Variants in RTCA observed in about 807,000 individuals in gnomAD.
The protein encoded by RTCA is RNA 3'-terminal phosphate cyclase.
A neutral mutation model predicts 46.1 loss-of-function variants in RTCA; 37 were observed. That is an observed-to-expected ratio of 0.80 (90% CI 0.62 to 1.06). The LOEUF (loss-of-function observed/expected upper bound fraction) is 1.06, where lower values mean the gene tolerates loss of function less well. Among genes scored for constraint, RTCA ranks in the 50% least tolerant of loss-of-function variants. The pLI is 0.00. For synonymous variants in RTCA, 164 were observed against 158.3 expected (o/e 1.04, Z -0.27); for missense variants, 435 against 455.5 (o/e 0.95, Z 0.41).
At chr1:100,281,203 G>A (rs1355084883) in intron 8 of RTCA, 1 of 531,526 alleles carries the variant, frequency 1.9e-6, no homozygotes, top group Admixed American at 1.9e-5. Flanking sequence ...AAGAAGATTA[G>A]CCTGGAGAAT....
chr1:100,274,449 T>C (rs1244768019), intron 5 of RTCA, among the ~76,000 whole-genome samples: 1 of 152,252 alleles, frequency 6.6e-6, no homozygotes, highest in African/African-American at 2.4e-5. Flanking sequence ...AAGGCGCTTA[T>C]ATTCTACAAT....
intron 8 of RTCA, among the ~76,000 whole-genome samples, chr1:100,280,185 A>G (rs1458881972): frequency 6.6e-6 from 1 of 152,222 alleles, no homozygotes; most frequent in Non-Finnish European, 1.5e-5. Context: ...ATGACCTTCT[A>G]GATGTCTGGC....
chr1:100,270,550 T>C lies in RTCA; in HGVS notation c.291-7T>C. The C allele has an allele frequency of 6.2e-7, 1 of 1,607,920 alleles. No homozygotes were observed. On this transcript the variant is annotated splice_polypyrimidine_tract_variant and splice_region_variant and intron_variant, in intron 3 of 10. Coordinates refer to ENST00000370128, the MANE Select transcript of RTCA (RefSeq NM_003729.4). ...ATGAAAATAAGCCCCTTCTGCCTTC[T>C]CCTTAGGAGTGTGTGCCTCTTGATG...
At chr1:100,287,278 G>A (rs1667078777) in intron 10 of RTCA, 75 bp downstream of exon 10, 2 of 1,029,362 alleles carry the variant, frequency 1.9e-6, no homozygotes, top group South Asian at 1.7e-5. Flanking sequence ...ATTTTAATAG[G>A]AAACTTAATA....
chr1:100,268,908 G>A (rs1202249955), intron 3 of RTCA, among the ~76,000 whole-genome samples: 3 of 151,942 alleles, frequency 2.0e-5, no homozygotes, highest in Non-Finnish European at 4.4e-5. Flanking sequence ...AAACAACCAG[G>A]CCAGGTGCGG....
chr1:100,286,336 C>T (rs1168852963), intron 9 of RTCA, among the ~76,000 whole-genome samples: 13 of 150,908 alleles, frequency 8.6e-5, no homozygotes, highest in East Asian at 2.0e-4. Flanking sequence ...TGCCTGTAGT[C>T]GTAGCTACTC....
chr1:100,266,973 CAGAGGAAACCCTGTTTTAT>C lies in RTCA; in HGVS notation c.146+351_146+369del, dbSNP rs760729291. On this transcript the variant is annotated intron_variant, in intron 2 of 10. Transcript: ENST00000370128. ...GATAGGGCAGAAATGCTTGTGACGCCAGAGGAAACCCTGTTTTATAACCAGTGCATTCTGGTTCTGCTGT... is the reference window on the plus strand; with the variant it reads ...GATAGGGCAGAAATGCTTGTGACGCCAACCAGTGCATTCTGGTTCTGCTGT... 165 of 310,240 alleles carry C rather than the reference CAGAGGAAACCCTGTTTTAT, an allele frequency of 5.3e-4. 3 individuals carry two copies. The highest frequency in any genetic ancestry group is 8.4e-4 in the Admixed American group (19 of 22,554). The allele number at this position is 310,240 out of a possible 1,614,324, so 19.2% of individuals were successfully genotyped here. A position where few individuals can be genotyped will look rare whatever the true frequency, so the allele number is the denominator to read the frequency against.
intron 4 of RTCA, among the ~76,000 whole-genome samples, chr1:100,272,409 G>A (rs1666148246): frequency 6.6e-6 from 1 of 152,044 alleles, no homozygotes; most frequent in South Asian, 2.1e-4. Flanking sequence ...GTAACATAGC[G>A]AGACCCCATC....
At position 100,291,722 on chromosome 1, in the gene RTCA, T is replaced by C. The variant is rs2100820520; in HGVS notation, c.*218T>C. 1 of 319,370 alleles carries C rather than the reference T, an allele frequency of 3.1e-6. No homozygotes were observed. The highest frequency in any genetic ancestry group is 1.1e-4 in the South Asian group (1 of 9,348). The allele number at this position is 319,370 out of a possible 1,614,324, so 19.8% of individuals were successfully genotyped here. ...AATATCAGTTGGTGGATATGTGTGA[T>C]AGCTGATTTCAATATTGAAGTATTG... On this transcript the variant is annotated 3_prime_UTR_variant, in exon 11 of 11. Coordinates refer to ENST00000370128, the MANE Select transcript of RTCA (RefSeq NM_003729.4).
In RTCA at chr1:100,285,302, G is replaced by A; in HGVS notation, c.874G>A (p.Asp292Asn). The change falls in exon 9 of 11, where the codon GAT becomes AAT. Residue 292 changes from aspartate (D) to asparagine (N), a missense_variant. Physicochemically the swap from Asp to Asn is conservative, Grantham distance 23. Coordinates refer to ENST00000370128, the MANE Select transcript of RTCA (RefSeq NM_003729.4). ...LANLRHGGTV[D>N]EYLQDQLIVF... ...AAATCTTAGACATGGTGGTACTGTG[G>A]ATGAGTATCTGCAAGACCAGGTAAT... is the stretch of plus-strand genomic sequence containing the variant. 1 of 1,613,490 alleles carries A rather than the reference G, an allele frequency of 6.2e-7. No individual in the cohort carries two copies. Among genetic ancestry groups the A allele is most frequent in the South Asian group, 1.1e-5 (1 of 91,062 alleles).
At chr1:100,278,026 G>T (rs903414589) in intron 8 of RTCA, among the ~76,000 whole-genome samples, 10 of 152,174 alleles carry the variant, frequency 6.6e-5, no homozygotes, top group Admixed American at 6.5e-4. Flanking sequence ...GTGATTTTGT[G>T]TACATTCCAC....
chr1:100,285,134 A>C (rs1177156873), intron 8 of RTCA, 94 bp from the exon 9 acceptor site: 1 of 895,792 alleles, frequency 1.1e-6, no homozygotes, highest in Admixed American at 1.8e-5. Flanking sequence ...ATTGTATACC[A>C]GTGCTAATTG....
At position 100,268,264 on chromosome 1, in the gene RTCA, G is replaced by A. The variant is rs1262207661; in HGVS notation, c.259G>A (p.Gly87Arg). ...ITFTPEKIKG[G>R]IHTADTKTAG... ...CTTTACACCAGAGAAGATCAAAGGT[G>A]GAATCCACACAGCAGATACCAAGAC... Residue 87 changes from glycine to arginine, a missense_variant, in exon 3 of 11, where the codon GGA (glycine) becomes AGA (arginine). Transcript: ENST00000370128. The A allele has an allele frequency of 4.3e-6, 7 of 1,613,818 alleles. No homozygotes were observed. The highest frequency in any genetic ancestry group is 5.9e-6 in the Non-Finnish European group (7 of 1,179,894).
chr1:100,287,753 A>G (rs1667102444), intron 10 of RTCA, among the ~76,000 whole-genome samples: 1 of 150,896 alleles, frequency 6.6e-6, no homozygotes, highest in African/African-American at 2.4e-5. Context: ...AGAAGGATTT[A>G]TCATTATATG....
chr1:100,276,537 C>T (rs1339406356), intron 7 of RTCA, among the ~76,000 whole-genome samples: 5 of 151,992 alleles, frequency 3.3e-5, no homozygotes, highest in Non-Finnish European at 2.9e-5. Context: ...ATTAGCTGGG[C>T]GTGGTGGTGC....
chr1:100,267,578 C>T (rs928948313), intron 2 of RTCA: 2 of 1,524,394 alleles, frequency 1.3e-6, no homozygotes, highest in Non-Finnish European at 8.9e-7. Context: ...GGATCTGCTC[C>T]AGGCCTGTCT....
intron 8 of RTCA, among the ~76,000 whole-genome samples, chr1:100,282,727 C>CA (rs57975461): frequency 0.99 from 151,009 of 152,356 alleles, 74,854 homozygotes; most frequent in Middle Eastern, 1. Context: ...GTTTTATGCA[C>CA]AAAATCATTT....
intron 2 of RTCA, chr1:100,267,520 A>G: frequency 6.5e-7 from 1 of 1,545,836 alleles, no homozygotes; most frequent in Non-Finnish European, 8.8e-7. Context: ...TGGAAGTCCA[A>G]GATCAAGGTC....
At chr1:100,275,354 C>A (rs913644105) in intron 6 of RTCA, among the ~76,000 whole-genome samples, 3 of 152,152 alleles carry the variant, frequency 2.0e-5, no homozygotes, top group African/African-American at 7.2e-5. Flanking sequence ...TGTAACAAAC[C>A]TGCACATGTA....
Sources: gnomAD v4.1 joint callset for allele counts (sites outside exome capture counted in the v4.1 genomes callset) on GRCh38, gnomAD v4.1.1 for gene constraint, MANE v1.5 for transcripts, NCBI Gene and HGNC (gene_info 2026-07-23, HGNC 2026-07-21) for gene names.